ANGPT1: variants seen among roughly 807,000 people sequenced by gnomAD.
The protein encoded by ANGPT1 is angiopoietin 1.
In ANGPT1, 17 loss-of-function variants were observed where a neutral mutation model predicts 62.2. The observed-to-expected ratio is 0.27, with a 90% CI of 0.19 to 0.41. The LOEUF is 0.41. Ranked by LOEUF, ANGPT1 falls within the 10% of genes least tolerant of loss-of-function variation. The pLI is 1.00. For synonymous variants in ANGPT1, 199 were observed against 198.9 expected, an observed-to-expected ratio of 1.00 and a Z score of 0.00; for missense variants, 478 against 594.9, an observed-to-expected ratio of 0.80 and a Z score of 2.04.
intron 1 of ANGPT1, among the ~76,000 whole-genome samples, chr8:107,426,389 T>G (rs1310960366): frequency 6.6e-6 from 1 of 152,166 alleles, no homozygotes; most frequent in Non-Finnish European, 1.5e-5. Context: ...GGGCGGGTGA[T>G]CCAAGGTTGA....
At chr8:107,262,908 T>C (rs574251800) in intron 8 of ANGPT1, among the ~76,000 whole-genome samples, 6 of 152,250 alleles carry the variant, frequency 3.9e-5, no homozygotes, top group Non-Finnish European at 8.8e-5. Flanking sequence ...CTTCACAGTT[T>C]TGCCATATCC....
chr8:107,322,854 GAC>G (rs1430162548), intron 3 of ANGPT1: 2 of 177,392 alleles, frequency 1.1e-5, no homozygotes, highest in African/African-American at 4.8e-5. Flanking sequence ...AAACTATATT[GAC>G]ACAGAAACCA....
chr8:107,409,963 A>G (rs953499622), intron 1 of ANGPT1, among the ~76,000 whole-genome samples: 4 of 151,906 alleles, frequency 2.6e-5, no homozygotes, highest in African/African-American at 9.7e-5. Flanking sequence ...CCATCCATCC[A>G]TCCATCCATC....
intron 4 of ANGPT1, among the ~76,000 whole-genome samples, chr8:107,320,330 A>G (rs1204695694): frequency 6.6e-6 from 1 of 152,192 alleles, no homozygotes; most frequent in African/African-American, 2.4e-5. Flanking sequence ...TATGATAAGT[A>G]CGCAGACATA....
chr8:107,387,951 C>T (rs1816763560), intron 1 of ANGPT1, among the ~76,000 whole-genome samples: 1 of 152,012 alleles, frequency 6.6e-6, no homozygotes, highest in South Asian at 2.1e-4. Context: ...TTTTGGGAAT[C>T]TGTTATATAT....
At chr8:107,421,653 C>T (rs753822832) in intron 1 of ANGPT1, among the ~76,000 whole-genome samples, 1 of 152,120 alleles carries the variant, frequency 6.6e-6, no homozygotes, top group Non-Finnish European at 1.5e-5. Flanking sequence ...AAAGCAAAGC[C>T]GCTCTTTGAA....
chr8:107,300,099 C>CTCTATATA (rs1160418221), intron 5 of ANGPT1, among the ~76,000 whole-genome samples: 2 of 138,186 alleles, frequency 1.4e-5, no homozygotes, highest in Non-Finnish European at 3.1e-5. Context: ...CTATATATAT[C>CTCTATATA]TCTATATATC....
At chr8:107,351,930 T>C (rs1359280635) in intron 1 of ANGPT1, among the ~76,000 whole-genome samples, 4 of 152,200 alleles carry the variant, frequency 2.6e-5, no homozygotes, top group Non-Finnish European at 5.9e-5. Flanking sequence ...TCATTGAATC[T>C]TTAGAACAAT....
At chr8:107,304,870 C>A (rs187445833) in intron 4 of ANGPT1, among the ~76,000 whole-genome samples, 1 of 151,862 alleles carries the variant, frequency 6.6e-6, no homozygotes, top group African/African-American at 2.4e-5. Context: ...ATCACAATTG[C>A]CATGTCAACA....
At chr8:107,405,186 G>A (rs1282329030) in intron 1 of ANGPT1, among the ~76,000 whole-genome samples, 2 of 151,718 alleles carry the variant, frequency 1.3e-5, no homozygotes, top group Non-Finnish European at 2.9e-5. Flanking sequence ...TCTATTATAT[G>A]CAATTATATA....
In ANGPT1 at chr8:107,344,538, A is replaced by G. The variant is rs572626693; in HGVS notation, c.453+2404T>C. ...TTTTTGAGCACAAGAGGATCTTAAA[A>G]TGCCATTGGCATGAACCTGTGGCTT... On this transcript the variant is annotated intron_variant, in intron 2 of 8. Transcript: ENST00000517746. 2.0e-5 allele frequency among the ~76,000 whole-genome samples: 3 copies of G among 152,352 alleles called. No individual in the cohort carries two copies. The South Asian group carries it at 6.2e-4, about 32-fold the overall frequency.
chr8:107,477,351 C>T (rs1376345167), intron 1 of ANGPT1, among the ~76,000 whole-genome samples: 1 of 152,140 alleles, frequency 6.6e-6, no homozygotes, highest in Non-Finnish European at 1.5e-5. Flanking sequence ...TGTAACAGAA[C>T]TGCTACATTT....
In ANGPT1 at chr8:107,294,181, T is replaced by C. The variant is rs936175793; in HGVS notation, c.937-144A>G. 7.9e-6 allele frequency: 4 copies of C among 507,644 alleles called. No homozygotes were observed. The Admixed American group carries it at 1.5e-4, about 19-fold the overall frequency. 31.4% of individuals were successfully genotyped at this position (507,644 alleles called of 1,614,324 possible). On this transcript the variant is annotated intron_variant, in intron 5 of 8. Coordinates refer to ENST00000517746, the MANE Select transcript of ANGPT1 (RefSeq NM_001146.5). ...CTATATTGAACAATGTTAATTTAGA[T>C]ATATTATTGGTTATTTCTTCCTCTG...
At chr8:107,438,195 T>C (rs191915462) in intron 1 of ANGPT1, among the ~76,000 whole-genome samples, 2 of 152,242 alleles carry the variant, frequency 1.3e-5, no homozygotes, top group Non-Finnish European at 2.9e-5. Flanking sequence ...TAATGGCCCA[T>C]GTGAAATCCC....
chr8:107,322,153 T>A (rs1815168600), intron 3 of ANGPT1, 25 bp from the exon 4 acceptor site: 1 of 1,536,188 alleles, frequency 6.5e-7, no homozygotes, highest in South Asian at 1.2e-5. Flanking sequence ...AAATAAAACT[T>A]AGATTTGAAA....
At chr8:107,395,828 A>G (rs1816923662) in intron 1 of ANGPT1, among the ~76,000 whole-genome samples, 1 of 152,146 alleles carries the variant, frequency 6.6e-6, no homozygotes, top group Admixed American at 6.6e-5. Context: ...ATTTCCAAGA[A>G]AAAGATAGGA....
chr8:107,373,906 G>T (rs1816469643), intron 1 of ANGPT1, among the ~76,000 whole-genome samples: 1 of 152,182 alleles, frequency 6.6e-6, no homozygotes, highest in South Asian at 2.1e-4. Context: ...TTAAGAAGAA[G>T]AGTCTTGGAA....
chr8:107,280,933 C>T (rs1044619773), intron 7 of ANGPT1, among the ~76,000 whole-genome samples: 7 of 152,106 alleles, frequency 4.6e-5, no homozygotes, highest in Admixed American at 2.0e-4. Context: ...TGATGAGGAT[C>T]TGGATAATAC....
At chr8:107,319,435 C>T (rs1469553982) in intron 4 of ANGPT1, among the ~76,000 whole-genome samples, 2 of 151,890 alleles carry the variant, frequency 1.3e-5, no homozygotes, top group Non-Finnish European at 2.9e-5. Flanking sequence ...TTGTAGAATA[C>T]CTATATTTGA....
Sources: gnomAD v4.1 joint callset for allele counts (sites outside exome capture counted in the v4.1 genomes callset) on GRCh38, gnomAD v4.1.1 for gene constraint, MANE v1.5 for transcripts, NCBI Gene and HGNC (gene_info 2026-07-23, HGNC 2026-07-21) for gene names.